Variants in LGR5 observed in about 807,000 individuals in gnomAD.
LGR5 encodes leucine-rich repeat-containing G protein-coupled receptor 5.
A neutral mutation model predicts 76.7 loss-of-function variants in LGR5; 54 were observed. The ratio of observed to expected loss-of-function variants is 0.70; its 90% CI spans 0.57 to 0.88. The LOEUF (loss-of-function observed/expected upper bound fraction) is 0.88. Among genes scored for constraint, LGR5 ranks in the 40% least tolerant of loss-of-function variants. LGR5 has a pLI of 0.00. For synonymous variants in LGR5, 406 were observed against 421.9 expected, an observed-to-expected ratio of 0.96 and a Z score of 0.46; for missense variants, 1,078 against 1,073.3, an observed-to-expected ratio of 1.00 and a Z score of -0.06.
chr12:71,564,707 G>A (rs1457092245), intron 8 of LGR5, among the ~76,000 whole-genome samples: 1 of 7,022 alleles, frequency 1.4e-4, no homozygotes, highest in Admixed American at 6.0e-3. Context: ...TACACACACT[G>A]TATATATACA....
chr12:71,512,141 G>A (rs560604570), intron 2 of LGR5, among the ~76,000 whole-genome samples: 17 of 152,116 alleles, frequency 1.1e-4, no homozygotes, highest in African/African-American at 4.8e-5. Context: ...ACAGGCACCC[G>A]CCATCATGCC....
chr12:71,583,433 C>A lies in LGR5; in HGVS notation c.1637-214C>A. 5.4e-6 allele frequency: 3 copies of A among 552,836 alleles called. No individual in the cohort carries two copies. In the South Asian group the frequency reaches 8.4e-5, roughly 16 times the overall value. 34.2% of individuals were successfully genotyped at this position (552,836 alleles called of 1,614,324 possible). A position where few individuals can be genotyped will look rare whatever the true frequency, so the allele number is the denominator to read the frequency against. ...TCATTTCTCCATCAATACCCTGGAA[C>A]AGGAGCACCGGGTGTACTCACCCAG... On this transcript the variant is annotated intron_variant, in intron 17 of 17. Transcript: ENST00000266674.
chr12:71,566,416 C>T lies in LGR5; in HGVS notation c.870C>T (p.Asp290=). The change falls in exon 9 of 18, where the codon GAC becomes GAT. Residue 290 remains aspartate (D), a synonymous_variant. Coordinates refer to ENST00000266674, the MANE Select transcript of LGR5 (RefSeq NM_003667.4). ...GGGTTTCTTTTAGACATTTCTATGA[C>T]AATCCCATCCAGTTTGTTGGGAGAT... ...NPSLITIHFY[D]NPIQFVGRSA... is the part of the protein sequence containing the mutation. 2 of 1,597,434 alleles carry T rather than the reference C, an allele frequency of 1.3e-6. No individual in the cohort carries two copies. The highest frequency in any genetic ancestry group is 4.5e-5 in the East Asian group (2 of 44,746).
At chr12:71,467,028 A>G (rs1429167952) in intron 1 of LGR5, among the ~76,000 whole-genome samples, 2 of 152,050 alleles carry the variant, frequency 1.3e-5, no homozygotes, top group Non-Finnish European at 2.9e-5. Flanking sequence ...TTTAACAAAA[A>G]TAGTCATCAT....
chr12:71,550,700 G>A (rs1347970565), intron 4 of LGR5, among the ~76,000 whole-genome samples: 1 of 152,070 alleles, frequency 6.6e-6, no homozygotes, highest in Non-Finnish European at 1.5e-5. Context: ...CTGACCTCAG[G>A]TGATCTGCCC....
chr12:71,509,169 C>G (rs1875018220), intron 2 of LGR5, among the ~76,000 whole-genome samples: 2 of 152,170 alleles, frequency 1.3e-5, no homozygotes, highest in South Asian at 4.1e-4. Flanking sequence ...CTGCCACTTA[C>G]TAGCTGATAA....
At chr12:71,485,756 T>C (rs925484379) in intron 1 of LGR5, among the ~76,000 whole-genome samples, 4 of 151,250 alleles carry the variant, frequency 2.6e-5, no homozygotes, top group African/African-American at 9.8e-5. Context: ...TCTGATTGGC[T>C]TACACAATTA....
intron 2 of LGR5, among the ~76,000 whole-genome samples, chr12:71,522,162 T>G (rs80200593): frequency 0.015 from 2,338 of 152,284 alleles, 61 homozygotes; most frequent in African/African-American, 0.053. Flanking sequence ...CAGGGAATTC[T>G]CGGAAAAGAG....
At chr12:71,476,069 A>G (rs911343226) in intron 1 of LGR5, among the ~76,000 whole-genome samples, 3 of 152,118 alleles carry the variant, frequency 2.0e-5, no homozygotes, top group Admixed American at 1.3e-4. Context: ...GGGCTCACAT[A>G]TGAGGGAATA....
chr12:71,531,952 G>A (rs541821177), intron 3 of LGR5, among the ~76,000 whole-genome samples: 4 of 152,018 alleles, frequency 2.6e-5, no homozygotes, highest in Admixed American at 6.6e-5. Flanking sequence ...GAGAAAGTTC[G>A]CAACTATTCA....
In LGR5 at chr12:71,440,302, T is replaced by TC. The variant is rs34598750; in HGVS notation, c.212+14dup. The TC allele has an allele frequency of 2.5e-6, 4 of 1,606,036 alleles. No individual in the cohort carries two copies. Among genetic ancestry groups the TC allele is most frequent in the Non-Finnish European group, 3.4e-6 (4 of 1,178,154 alleles). Reference sequence around the variant, plus strand: ...TCTTCACCTCCTACCTGTAAGTACTTCCCCACGTCACTCCGGGAGAGAGAC... The same window carrying TC: ...TCTTCACCTCCTACCTGTAAGTACTTCCCCCACGTCACTCCGGGAGAGAGAC... On this transcript the variant is annotated intron_variant, in intron 1 of 17. Transcript: ENST00000266674. This position sits in a 1 kb window ranked among gnomAD's most constrained non-coding sequence, Gnocchi z 5.3.
Position 71,584,200 on chromosome 12 carries a change from C to T in LGR5, c.2190C>T (p.Ile730=), listed in dbSNP as rs1350858825. The T allele has an allele frequency of 6.2e-7, 1 of 1,614,048 alleles. No homozygotes were observed. Among genetic ancestry groups the T allele is most frequent in the African/African-American group, 1.3e-5 (1 of 74,900 alleles). Residue 730 remains isoleucine (I), a synonymous_variant, in exon 18 of 18, where the codon ATC becomes ATT. Coordinates refer to ENST00000266674, the MANE Select transcript of LGR5 (RefSeq NM_003667.4). The stretch of plus-strand genomic sequence containing the variant: ...CCATGGGCTACATGGTCGCTCTCAT[C>T]TTGCTCAATTCCCTTTGCTTCCTCA... ...PSTMGYMVAL[I]LLNSLCFLMM... is the part of the protein sequence containing the mutation.
At chr12:71,486,056 G>C (rs990551212) in intron 1 of LGR5, among the ~76,000 whole-genome samples, 1 of 152,142 alleles carries the variant, frequency 6.6e-6, no homozygotes, top group Non-Finnish European at 1.5e-5. Flanking sequence ...GAGCCAGCAC[G>C]CCAGGCCAAT....
intron 13 of LGR5, among the ~76,000 whole-genome samples, chr12:71,576,628 G>T (rs138942032): frequency 5.3e-5 from 8 of 152,106 alleles, no homozygotes; most frequent in Admixed American, 3.9e-4. Context: ...GGATTCCAGC[G>T]CACGGGCTCA....
chr12:71,575,592 TCCCA>T (rs1413125008), intron 13 of LGR5, among the ~76,000 whole-genome samples: 50 of 152,190 alleles, frequency 3.3e-4, no homozygotes, highest in African/African-American at 1.2e-3. Flanking sequence ...GCACCTGTAA[TCCCA>T]GCTACTCGGG....
At chr12:71,521,618 G>A (rs1235657949) in intron 2 of LGR5, among the ~76,000 whole-genome samples, 4 of 152,178 alleles carry the variant, frequency 2.6e-5, no homozygotes, top group Non-Finnish European at 5.9e-5. Flanking sequence ...TAGATGCAAG[G>A]AAGACTGGAA....
chr12:71,475,546 C>T (rs1397138875), intron 1 of LGR5, among the ~76,000 whole-genome samples: 1 of 152,080 alleles, frequency 6.6e-6, no homozygotes, highest in Non-Finnish European at 1.5e-5. Flanking sequence ...TCAACTATGC[C>T]AATCTATTGT....
intron 2 of LGR5, among the ~76,000 whole-genome samples, chr12:71,522,706 C>G (rs1039436993): frequency 1.3e-5 from 2 of 151,696 alleles, no homozygotes; most frequent in African/African-American, 4.8e-5. Flanking sequence ...AGGAGGAATA[C>G]AATACAGTAG....
At chr12:71,574,708 C>T (rs1878772978) in intron 13 of LGR5, among the ~76,000 whole-genome samples, 1 of 152,178 alleles carries the variant, frequency 6.6e-6, no homozygotes, top group South Asian at 2.1e-4. Flanking sequence ...CTCCTCAGCA[C>T]ACTCCAGGTC....
Sources: gnomAD v4.1 joint callset for allele counts (sites outside exome capture counted in the v4.1 genomes callset) on GRCh38, gnomAD v4.1.1 for gene constraint, Gnocchi (gnomAD v3.1) non-coding constraint, MANE v1.5 for transcripts, NCBI Gene and HGNC (gene_info 2026-07-23, HGNC 2026-07-21) for gene names.